TPPP: variants seen among roughly 807,000 people sequenced by gnomAD.
TPPP encodes tubulin polymerization promoting protein.
Under a neutral mutation model 15.5 loss-of-function variants are expected in TPPP, and 6 were observed. The observed-to-expected ratio is 0.39, with a 90% confidence interval of 0.21 to 0.77. The LOEUF is 0.77. TPPP is among the 30% of genes least tolerant of loss of function. The pLI is 0.42. For synonymous variants in TPPP, 146 were observed against 133.9 expected, an observed-to-expected ratio of 1.09 and a Z score of -0.63; for missense variants, 269 against 307.2, an observed-to-expected ratio of 0.88 and a Z score of 0.93.
intron 2 of TPPP, among the ~76,000 whole-genome samples, chr5:674,917 A>C (rs1740350669): frequency 1.3e-5 from 2 of 150,012 alleles, no homozygotes; most frequent in South Asian, 4.2e-4. Flanking sequence ...CTGCAGAGTC[A>C]GGCGCCAGTT....
intron 1 of TPPP, among the ~76,000 whole-genome samples, chr5:680,622 A>G (rs927017895): frequency 1.3e-5 from 2 of 150,638 alleles, no homozygotes; most frequent in African/African-American, 4.9e-5. Flanking sequence ...ACCCGTCCCA[A>G]CTCAGCCCCA....
At chr5:679,601 G>T (rs1740566729) in intron 1 of TPPP, among the ~76,000 whole-genome samples, 2 of 152,274 alleles carry the variant, frequency 1.3e-5, no homozygotes, top group African/African-American at 4.8e-5. Flanking sequence ...GAGCAGCTGA[G>T]AAATTACCAG....
At chr5:692,476 CAA>C in intron 1 of TPPP, 2 of 913,668 alleles carry the variant, frequency 2.2e-6, no homozygotes, top group Non-Finnish European at 2.6e-6. Flanking sequence ...AGCAGCCCCC[CAA>C]ACCCCCATCA....
intron 1 of TPPP, among the ~76,000 whole-genome samples, chr5:682,913 C>T (rs1442637991): frequency 6.6e-6 from 1 of 152,170 alleles, no homozygotes; most frequent in Non-Finnish European, 1.5e-5. Context: ...TCAGTGGGAG[C>T]TACCACCCCT....
intron 1 of TPPP, among the ~76,000 whole-genome samples, chr5:682,466 C>A (rs1579195330): frequency 6.6e-6 from 1 of 151,604 alleles, no homozygotes; most frequent in African/African-American, 2.4e-5. Flanking sequence ...GTTACTAGGG[C>A]CTGGGGTCTG....
upstream of TPPP, among the ~76,000 whole-genome samples, chr5:693,589 C>T (rs1254895029): frequency 4.6e-5 from 7 of 151,732 alleles, no homozygotes; most frequent in African/African-American, 1.7e-4. Context: ...GGTATCCGCT[C>T]AGCGCAGGGC....
At position 663,513 on chromosome 5, in the gene TPPP, C is replaced by G. The variant is rs576656430; in HGVS notation, c.*1589G>C. 6.6e-6 allele frequency: 1 copy of G among 152,586 alleles called. No homozygotes were observed. The highest frequency in any genetic ancestry group is 1.9e-4 in the East Asian group (1 of 5,282). The allele number at this position is 152,586 out of a possible 1,614,324, so 9.5% of individuals were successfully genotyped here. On this transcript the variant is annotated 3_prime_UTR_variant, in exon 4 of 4. Coordinates refer to ENST00000360578, the MANE Select transcript of TPPP (RefSeq NM_007030.3). Reference sequence around the variant, plus strand: ...GTTGAGGGGCCTCGGAGACCGCCCCCCAGCCCTCAGCGGACCATGCTGGCT... The same window carrying G: ...GTTGAGGGGCCTCGGAGACCGCCCCGCAGCCCTCAGCGGACCATGCTGGCT...
chr5:691,727 C>T (rs1294920582), intron 1 of TPPP, among the ~76,000 whole-genome samples: 2 of 51,558 alleles, frequency 3.9e-5, no homozygotes, highest in Non-Finnish European at 8.2e-5. Context: ...CCCCCAACCC[C>T]CATCAAAACA....
chr5:700,221 G>A, the TPPP span, among the ~76,000 whole-genome samples: 1 of 151,944 alleles, frequency 6.6e-6, no homozygotes, highest in African/African-American at 2.4e-5. Flanking sequence ...CCTGGTTAAA[G>A]AAAATGTAGC....
At position 677,911 on chromosome 5, in the gene TPPP, G is replaced by C; in HGVS notation, c.150C>G (p.Ala50=). ...EGAAASPELS[A]LEEAFRRFAV... ...CAAAGCGCCGGAAGGCCTCCTCCAG[G>C]GCACTGAGCTCAGGGGATGCGGCTG... Residue 50 remains alanine (A), a synonymous_variant, in exon 2 of 4, where the codon GCC becomes GCG. Coordinates refer to ENST00000360578, the MANE Select transcript of TPPP (RefSeq NM_007030.3). The C allele has an allele frequency of 6.2e-7, 1 of 1,612,784 alleles. No individual in the cohort carries two copies. Among genetic ancestry groups the C allele is most frequent in the Non-Finnish European group, 8.5e-7 (1 of 1,179,874 alleles).
intron 2 of TPPP, among the ~76,000 whole-genome samples, chr5:672,440 G>A (rs1049116442): frequency 1.3e-5 from 2 of 152,280 alleles, no homozygotes; most frequent in Non-Finnish European, 2.9e-5. Context: ...ACACAAGCGT[G>A]GGTCCTGGGG....
At chr5:674,501 G>C (rs73730907) in intron 2 of TPPP, among the ~76,000 whole-genome samples, 5,964 of 152,182 alleles carry the variant, frequency 0.039, 448 homozygotes, top group African/African-American at 0.14. Context: ...CCGAGTGCCC[G>C]GGACACGTCC....
At chr5:665,409 G>A (rs1409096137) in intron 3 of TPPP, 113 bp from the exon 4 acceptor site, 6 of 958,192 alleles carry the variant, frequency 6.3e-6, no homozygotes, top group African/African-American at 1.7e-5. Flanking sequence ...TGGGCAAGGG[G>A]CATAAACCCT....
chr5:665,919 G>GGGCCCCCCCCCCCCC, intron 3 of TPPP, 51 bp downstream of exon 3: 1 of 344,042 alleles, frequency 2.9e-6, no homozygotes, highest in Non-Finnish European at 4.0e-6. Flanking sequence ...CACCTTCCAG[G>GGGCCCCCCCCCCCCC]CCCCGCCCCC....
intron 2 of TPPP, among the ~76,000 whole-genome samples, chr5:667,797 C>T (rs1476263250): frequency 9.2e-5 from 14 of 151,794 alleles, no homozygotes; most frequent in African/African-American, 3.4e-4. Flanking sequence ...GAGAGGGGTC[C>T]GCGTGGGCCC....
At chr5:670,008 G>A (rs999965180) in intron 2 of TPPP, among the ~76,000 whole-genome samples, 13 of 152,308 alleles carry the variant, frequency 8.5e-5, no homozygotes, top group Admixed American at 2.0e-4. Context: ...CCCCAAAGCC[G>A]GCCCAGCAGG....
chr5:677,761 G>A lies in TPPP; in HGVS notation c.300C>T (p.Phe100=), dbSNP rs1161957459. The change falls in exon 2 of 4, where the codon TTC becomes TTT. Residue 100 remains phenylalanine (F), a synonymous_variant. Coordinates refer to ENST00000360578, the MANE Select transcript of TPPP (RefSeq NM_007030.3). ...CCCAGCGCACTCACTTGATCTTGCT[G>A]AAGACGATGTCCACGTCAGTGACGG... is the stretch of plus-strand genomic sequence containing the variant. ...NVTVTDVDIV[F]SKIKGKSCRT... is the part of the protein sequence containing the mutation. 6.4e-7 allele frequency: 1 copy of A among 1,568,340 alleles called. No individual in the cohort carries two copies. Among genetic ancestry groups the A allele is most frequent in the African/African-American group, 1.4e-5 (1 of 73,932 alleles).
At position 661,036 on chromosome 5, in the gene TPPP, G is replaced by A. The variant is rs911177851; in HGVS notation, c.*4066C>T. Reference sequence around the variant, plus strand: ...TAATTTGAACTTTAATTTTGGTAACGCTAATTGTTAGGAACACTACCTGGT... The same window carrying A: ...TAATTTGAACTTTAATTTTGGTAACACTAATTGTTAGGAACACTACCTGGT... On this transcript the variant is annotated 3_prime_UTR_variant, in exon 4 of 4. Coordinates refer to ENST00000360578, the MANE Select transcript of TPPP (RefSeq NM_007030.3). 1 of 152,282 alleles carries A rather than the reference G, an allele frequency of 6.6e-6. No homozygotes were observed. The highest frequency in any genetic ancestry group is 6.5e-5 in the Admixed American group (1 of 15,284). 9.4% of individuals were successfully genotyped at this position (152,282 alleles called of 1,614,324 possible).
Position 660,198 on chromosome 5 carries a change from A to G in TPPP, c.*4904T>C, listed in dbSNP as rs1429102647. The G allele has an allele frequency of 1.6e-5, 2 of 128,430 alleles. No homozygotes were observed. The highest frequency in any genetic ancestry group is 3.3e-5 in the African/African-American group (1 of 30,420). The allele number at this position is 128,430 out of a possible 1,614,324, so 8.0% of individuals were successfully genotyped here. ...TGTTAATCACACAGTGTAAAAATAT[A>G]TTGCACATATATATATATATATATA... is the stretch of plus-strand genomic sequence containing the variant. On this transcript the variant is annotated 3_prime_UTR_variant, in exon 4 of 4. Coordinates refer to ENST00000360578, the MANE Select transcript of TPPP (RefSeq NM_007030.3).
Sources: gnomAD v4.1 joint callset for allele counts (sites outside exome capture counted in the v4.1 genomes callset) on GRCh38, gnomAD v4.1.1 for gene constraint, MANE v1.5 for transcripts, NCBI Gene and HGNC (gene_info 2026-07-23, HGNC 2026-07-21) for gene names.